The following CAMK1D variants were observed in gnomAD, a reference collection of about 807,000 sequenced individuals.
CAMK1D encodes calcium/calmodulin-dependent protein kinase type 1D.
A neutral mutation model predicts 47.7 loss-of-function variants in CAMK1D; 9 were observed. That is an observed-to-expected ratio of 0.19 (90% CI 0.11 to 0.33). CAMK1D has a LOEUF of 0.33. Ranked by LOEUF, CAMK1D falls within the 10% of genes least tolerant of loss-of-function variation. CAMK1D has a pLI of 1.00. For synonymous variants in CAMK1D, 184 were observed against 184.9 expected (o/e 0.99, Z 0.04); for missense variants, 291 against 488.7 (o/e 0.60, Z 3.81).
intron 4 of CAMK1D, among the ~76,000 whole-genome samples, chr10:12,768,724 A>G (rs929310455): frequency 1.3e-5 from 2 of 151,194 alleles, no homozygotes; most frequent in Non-Finnish European, 2.9e-5. Context: ...AAAAAAATGC[A>G]GGCTCCTCTT....
At chr10:12,789,443 A>T (rs1301328951) in intron 5 of CAMK1D, among the ~76,000 whole-genome samples, 1 of 152,166 alleles carries the variant, frequency 6.6e-6, no homozygotes, top group Admixed American at 6.5e-5. Context: ...TTTCCTATCT[A>T]GCTGTGTGAT....
intron 3 of CAMK1D, among the ~76,000 whole-genome samples, chr10:12,705,387 G>A (rs560793345): frequency 5.3e-5 from 8 of 152,208 alleles, no homozygotes; most frequent in African/African-American, 1.9e-4. Flanking sequence ...CTTGAACCCG[G>A]GGGTCAGAGG....
intron 2 of CAMK1D, among the ~76,000 whole-genome samples, chr10:12,592,435 A>G (rs1322186057): frequency 6.6e-6 from 1 of 152,216 alleles, no homozygotes; most frequent in Non-Finnish European, 1.5e-5. Flanking sequence ...AAGTGATGAC[A>G]TTGTCTTGTT....
At chr10:12,805,561 G>T (rs1344114199) in intron 6 of CAMK1D, among the ~76,000 whole-genome samples, 1 of 151,826 alleles carries the variant, frequency 6.6e-6, no homozygotes, top group Non-Finnish European at 1.5e-5. Context: ...GTGGAGATGG[G>T]GTTTTACCAT....
chr10:12,573,831 C>CT (rs34038018), intron 2 of CAMK1D, among the ~76,000 whole-genome samples: 1,255 of 63,794 alleles, frequency 0.02, 8 homozygotes, highest in East Asian at 0.036. Flanking sequence ...ATTAAAAAAA[C>CT]TTTTTTTTTT....
At chr10:12,521,840 T>C (rs2132192804) in intron 1 of CAMK1D, among the ~76,000 whole-genome samples, 1 of 152,220 alleles carries the variant, frequency 6.6e-6, no homozygotes, top group South Asian at 2.1e-4. Context: ...ATGACAATCC[T>C]CTTTTTCATG....
chr10:12,744,668 A>C (rs987745351), intron 3 of CAMK1D, among the ~76,000 whole-genome samples: 2 of 151,950 alleles, frequency 1.3e-5, no homozygotes, highest in South Asian at 4.2e-4. Context: ...AAGTGGGAGG[A>C]TCACTTGAGG....
chr10:12,818,693 A>G (rs1832903824), intron 8 of CAMK1D, among the ~76,000 whole-genome samples: 2 of 132,992 alleles, frequency 1.5e-5, no homozygotes, highest in Non-Finnish European at 3.3e-5. Flanking sequence ...AATAAGGTAA[A>G]TTAACTTAGC....
rs564963856 is a variant in CAMK1D at position 12,710,457 on chromosome 10, C to T, written c.299+43647C>T. Reference sequence around the variant, plus strand: ...AATATGAACATGAAAAATAAAGAGCCCACAGATTAGTGACAAAGACAGAGA... The same window carrying T: ...AATATGAACATGAAAAATAAAGAGCTCACAGATTAGTGACAAAGACAGAGA... On this transcript the variant is annotated intron_variant, in intron 3 of 10. Transcript: ENST00000619168. 3.3e-5 allele frequency among the ~76,000 whole-genome samples: 5 copies of T among 152,226 alleles called. No homozygotes were observed. The East Asian group carries it at 5.8e-4, about 18-fold the overall frequency.
rs190469408 is a variant in CAMK1D at position 12,696,688 on chromosome 10, C to T, written c.299+29878C>T. 3.4e-3 allele frequency among the ~76,000 whole-genome samples: 514 copies of T among 152,304 alleles called. 5 individuals carry two copies. The highest frequency in any genetic ancestry group is 0.012 in the African/African-American group (488 of 41,558). The stretch of plus-strand genomic sequence containing the variant: ...ATTCTCTAATAGCTGCCATTACTGG[C>T]GGAATTCTACCTGCAATTCTTGATG... On this transcript the variant is annotated intron_variant, in intron 3 of 10. Transcript: ENST00000619168.
At chr10:12,714,965 A>G (rs7087010) in intron 3 of CAMK1D, among the ~76,000 whole-genome samples, 17,803 of 152,018 alleles carry the variant, frequency 0.12, 2,488 homozygotes, top group African/African-American at 0.34. Context: ...GAACACCTCA[A>G]GTCCTCTCTT....
chr10:12,825,717 C>G (rs774577440), intron 10 of CAMK1D, 27 bp downstream of exon 10: 3 of 1,613,962 alleles, frequency 1.9e-6, no homozygotes, highest in East Asian at 4.5e-5. Flanking sequence ...ACCAGAATCC[C>G]TCAGCTGACA....
intron 4 of CAMK1D, among the ~76,000 whole-genome samples, chr10:12,763,829 C>A (rs1349417470): frequency 6.6e-6 from 1 of 152,196 alleles, no homozygotes; most frequent in African/African-American, 2.4e-5. Context: ...TATTGGCCAC[C>A]AGTTGTCTTG....
chr10:12,553,632 G>A (rs890512492), intron 2 of CAMK1D, among the ~76,000 whole-genome samples: 1 of 152,154 alleles, frequency 6.6e-6, no homozygotes, highest in African/African-American at 2.4e-5. Context: ...CACCATATCC[G>A]AGTGACCGTG....
chr10:12,807,750 C>T lies in CAMK1D; in HGVS notation c.642-6445C>T, dbSNP rs568462787. On this transcript the variant is annotated intron_variant, in intron 6 of 10. Transcript: ENST00000619168. ...GGCCTTCACTGGTTACACCGTCCTACACCAGATCTGCCCGGTTCTGTCTGA... is the reference window on the plus strand; with the variant it reads ...GGCCTTCACTGGTTACACCGTCCTATACCAGATCTGCCCGGTTCTGTCTGA... Among the ~76,000 whole-genome samples the T allele has an allele frequency of 6.6e-5, 10 of 152,338 alleles. No individual in the cohort carries two copies. In the East Asian group the frequency reaches 1.4e-3, roughly 21 times the overall value.
At chr10:12,572,344 C>T (rs1837353817) in intron 2 of CAMK1D, among the ~76,000 whole-genome samples, 1 of 152,214 alleles carries the variant, frequency 6.6e-6, no homozygotes, top group Non-Finnish European at 1.5e-5. Context: ...TCTCTCCTGC[C>T]ACCATGTAAG....
At chr10:12,738,146 ATATAAT>A (rs1315907647) in intron 3 of CAMK1D, among the ~76,000 whole-genome samples, 1 of 152,244 alleles carries the variant, frequency 6.6e-6, no homozygotes, top group Non-Finnish European at 1.5e-5. Context: ...TGTGTGGAAA[ATATAAT>A]TAAAAGATAA....
chr10:12,824,187 A>G (rs1316033771), intron 8 of CAMK1D, among the ~76,000 whole-genome samples: 1 of 152,056 alleles, frequency 6.6e-6, no homozygotes, highest in East Asian at 1.9e-4. Flanking sequence ...GAAGGAAAAA[A>G]TGAGAGCCGG....
intron 1 of CAMK1D, among the ~76,000 whole-genome samples, chr10:12,462,149 A>T (rs929291614): frequency 3.7e-5 from 5 of 134,722 alleles, no homozygotes; most frequent in Admixed American, 2.6e-4. Context: ...TTTCTGGCCT[A>T]TGAAGAGTTT....
Sources: allele counts gnomAD v4.1 joint callset (sites outside exome capture counted in the v4.1 genomes callset), GRCh38; gene constraint gnomAD v4.1.1; transcripts MANE v1.5; gene names NCBI Gene and HGNC (gene_info 2026-07-23, HGNC 2026-07-21).